The following FGD5 variants were observed in gnomAD, a reference collection of about 807,000 sequenced individuals.
FGD5 encodes FYVE, RhoGEF and PH domain containing 5.
Under a neutral mutation model 133.4 loss-of-function variants are expected in FGD5, and 28 were observed. The observed-to-expected ratio is 0.21, with a 90% CI of 0.16 to 0.29. FGD5 has a LOEUF of 0.29. FGD5 is among the 10% of genes least tolerant of loss of function. FGD5 has a pLI of 1.00. For missense variants in FGD5, 1,858 were observed against 1,895.2 expected, an observed-to-expected ratio of 0.98 and a Z score of 0.36; for synonymous variants, 810 against 776.5, an observed-to-expected ratio of 1.04 and a Z score of -0.72.
intron 2 of FGD5, among the ~76,000 whole-genome samples, chr3:14,868,776 C>G (rs1052331541): frequency 1.3e-5 from 2 of 152,182 alleles, no homozygotes; most frequent in East Asian, 1.9e-4. Context: ...TCCTCTTCTT[C>G]CACAGAAACT....
intron 1 of FGD5, among the ~76,000 whole-genome samples, chr3:14,853,852 G>A (rs1255085909): frequency 1.1e-5 from 1 of 88,276 alleles, no homozygotes; most frequent in Non-Finnish European, 2.3e-5. Flanking sequence ...CTCATTTGGA[G>A]CCTAGTCCTT....
intron 2 of FGD5, among the ~76,000 whole-genome samples, chr3:14,868,303 T>G (rs1292324361): frequency 1.3e-5 from 2 of 151,814 alleles, no homozygotes; most frequent in Non-Finnish European, 2.9e-5. Flanking sequence ...ATGGCCACAT[T>G]TGTTTCCCAG....
Position 14,922,496 on chromosome 3 carries a change from G to T in FGD5, c.3755G>T (p.Gly1252Val). ...CACGTCATGATGTGCATGAACTGCG[G>T]CTGCGACTTCTCCCTCACCCTGCGG... The part of the protein sequence containing the change: ...VTHVMMCMNC[G>V]CDFSLTLRRH... Residue 1252 changes from glycine to valine, a missense_variant, in exon 15 of 20, where the codon GGC becomes GTC. Gly to Val is a moderately radical substitution (Grantham distance 109, BLOSUM62 -3). Transcript: ENST00000285046. The surrounding 1 kb of genome is among the most constrained non-coding windows in gnomAD (Gnocchi z 4.1). The T allele has an allele frequency of 6.3e-7, 1 of 1,582,652 alleles. No individual in the cohort carries two copies. Among genetic ancestry groups the T allele is most frequent in the Non-Finnish European group, 8.6e-7 (1 of 1,164,420 alleles).
intron 18 of FGD5, among the ~76,000 whole-genome samples, chr3:14,927,522 T>C (rs1217618930): frequency 7.2e-6 from 1 of 139,576 alleles, no homozygotes; most frequent in African/African-American, 2.8e-5. Flanking sequence ...CAAAACAGTT[T>C]CTTCTAGAAA....
chr3:14,811,960 A>G (rs1281572972), intron 1 of FGD5, among the ~76,000 whole-genome samples: 5 of 151,948 alleles, frequency 3.3e-5, no homozygotes, highest in Non-Finnish European at 5.9e-5. Context: ...CTAAAGAAAC[A>G]GGAAGCCACC....
rs1255162862 is a variant in FGD5 at position 14,820,952 on chromosome 3, G to A, written c.1881G>A (p.Lys627=). 1 of 1,613,754 alleles carries A rather than the reference G, an allele frequency of 6.2e-7. No individual in the cohort carries two copies. The highest frequency in any genetic ancestry group is 1.7e-5 in the Admixed American group (1 of 59,990). The change falls in exon 1 of 20, where the codon AAG becomes AAA. Residue 627 remains lysine (K), a synonymous_variant. Transcript: ENST00000285046. ...PPFDLACITK[K]PITKSSPSLL... ...TCGACCTGGCCTGCATCACCAAGAAGCCCATCACAAAGAGCTCTCCCTCAC... is the reference window on the plus strand; with the variant it reads ...TCGACCTGGCCTGCATCACCAAGAAACCCATCACAAAGAGCTCTCCCTCAC...
chr3:14,815,980 T>A (rs1479290472), upstream of FGD5, among the ~76,000 whole-genome samples: 1 of 152,232 alleles, frequency 6.6e-6, no homozygotes, highest in Non-Finnish European at 1.5e-5. Context: ...TCAGAAGGGA[T>A]GTGGCTGAAG....
At chr3:14,899,695 G>A (rs1169896174) in intron 7 of FGD5, among the ~76,000 whole-genome samples, 1 of 152,226 alleles carries the variant, frequency 6.6e-6, no homozygotes, top group Non-Finnish European at 1.5e-5. Context: ...TGACACTGTA[G>A]AGCTTACACC....
In FGD5 at chr3:14,821,150, G is replaced by A. The variant is rs972408268; in HGVS notation, c.2079G>A (p.Leu693=). The A allele has an allele frequency of 1.2e-6, 2 of 1,613,844 alleles. No homozygotes were observed. Among genetic ancestry groups the A allele is most frequent in the Non-Finnish European group, 1.7e-6 (2 of 1,179,914 alleles). The change falls in exon 1 of 20, where the codon CTG becomes CTA. Residue 693 remains leucine (L), a synonymous_variant. Coordinates refer to ENST00000285046, the MANE Select transcript of FGD5 (RefSeq NM_152536.4). The part of the protein sequence containing the change: ...ESSYHGPSRI[L]EVDRRSLSNS... ...GCTACCACGGGCCTTCCAGGATTCT[G>A]GAAGTTGACCGGAGAAGCCTCAGCA... is the stretch of plus-strand genomic sequence containing the variant.
chr3:14,844,200 G>T (rs1470332525), intron 1 of FGD5, among the ~76,000 whole-genome samples: 1 of 39,716 alleles, frequency 2.5e-5, no homozygotes, highest in East Asian at 1.1e-3. Context: ...ATCTTAATAG[G>T]CATTAAAAAA....
chr3:14,816,355 A>G (rs117614479), upstream of FGD5, among the ~76,000 whole-genome samples: 179 of 152,358 alleles, frequency 1.2e-3, 6 homozygotes, highest in East Asian at 0.032. Context: ...TACGCAGTGT[A>G]TCAGTGTAGA....
intron 4 of FGD5, among the ~76,000 whole-genome samples, chr3:14,886,326 C>T (rs1389419484): frequency 6.6e-6 from 1 of 152,204 alleles, no homozygotes; most frequent in African/African-American, 2.4e-5. Flanking sequence ...TGAGTGAAAG[C>T]TGGGTTCATC....
intron 1 of FGD5, among the ~76,000 whole-genome samples, chr3:14,837,433 C>G (rs574907912): frequency 6.6e-6 from 1 of 152,114 alleles, no homozygotes; most frequent in Non-Finnish European, 1.5e-5. Context: ...TAGTTTCCTT[C>G]GAACCTGCTA....
At chr3:14,924,898 C>G (rs2013489) in intron 17 of FGD5, among the ~76,000 whole-genome samples, 108,672 of 151,782 alleles carry the variant, frequency 0.72, 39,359 homozygotes, top group African/African-American at 0.81. Flanking sequence ...TCGGGAGATC[C>G]AGACCATCTT....
At chr3:14,846,190 A>G (rs1287639512) in intron 1 of FGD5, among the ~76,000 whole-genome samples, 1 of 152,150 alleles carries the variant, frequency 6.6e-6, no homozygotes, top group Non-Finnish European at 1.5e-5. Context: ...GAAGAAGAAA[A>G]TGCTTGAAAT....
At chr3:14,854,780 G>A (rs1011061243) in intron 1 of FGD5, among the ~76,000 whole-genome samples, 6 of 152,254 alleles carry the variant, frequency 3.9e-5, no homozygotes, top group African/African-American at 1.4e-4. Context: ...CCATAGTGAT[G>A]TTTTGATATA....
Position 14,821,575 on chromosome 3 carries a change from G to A in FGD5, c.2504G>A (p.Ser835Asn), listed in dbSNP as rs752271051. 3 of 1,604,582 alleles carry A rather than the reference G, an allele frequency of 1.9e-6. No homozygotes were observed. The highest frequency in any genetic ancestry group is 2.6e-6 in the Non-Finnish European group (3 of 1,173,840). Reference protein sequence around the residue: ...SFNAFESKQQSADQDAESAYT... With the variant: ...SFNAFESKQQNADQDAESAYT... ...AACGCCTTTGAGAGCAAACAGCAGA[G>A]TGCAGACCAGGACGCAGAAAGGTAC... The change falls in exon 1 of 20, where the codon AGT becomes AAT. Residue 835 changes from serine (S) to asparagine (N), a missense_variant. By Grantham distance (46) the Ser-to-Asn change is conservative (BLOSUM62 1). Around this residue, in one of 3 missense-constraint regions of FGD5, gnomAD observed 1,824 missense variants for 1,848.9 expected, o/e 0.99. Transcript: ENST00000285046.
chr3:14,921,850 C>A, intron 13 of FGD5, 68 bp from the exon 14 acceptor site: 3 of 1,451,336 alleles, frequency 2.1e-6, no homozygotes, highest in Non-Finnish European at 2.8e-6. Context: ...AGAACCTCAT[C>A]CATGCCGAGA....
chr3:14,819,547 A>G lies in FGD5; in HGVS notation c.476A>G (p.Gln159Arg), dbSNP rs1395425696. 3 of 1,551,386 alleles carry G rather than the reference A, an allele frequency of 1.9e-6. No homozygotes were observed. The highest frequency in any genetic ancestry group is 2.6e-6 in the Non-Finnish European group (3 of 1,147,000). Residue 159 changes from glutamine to arginine, a missense_variant, in exon 1 of 20, where the codon CAG (glutamine) becomes CGG (arginine). Coordinates refer to ENST00000285046, the MANE Select transcript of FGD5 (RefSeq NM_152536.4). The surrounding 1 kb of genome is among the most constrained non-coding windows in gnomAD (Gnocchi z 4.1). ...GCTGATGAGCCAGGGACACTGGAGC[A>G]GGTGTCCAGAAGTGAGGAGGAAGAG... ...GCADEPGTLE[Q>R]VSRSEEEEKL...
Sources: allele counts gnomAD v4.1 joint callset (sites outside exome capture counted in the v4.1 genomes callset), GRCh38; gene constraint gnomAD v4.1.1; regional missense constraint gnomAD v4.1.1; non-coding constraint Gnocchi (gnomAD v3.1); transcripts MANE v1.5; gene names NCBI Gene and HGNC (gene_info 2026-07-23, HGNC 2026-07-21).